ST13: variants seen among roughly 807,000 people sequenced by gnomAD.
ST13 encodes the protein ST13 Hsp70 interacting protein.
Under a neutral mutation model 56.7 loss-of-function variants are expected in ST13, and 23 were observed. That is an observed-to-expected ratio of 0.41 (90% CI 0.29 to 0.57). ST13 has a LOEUF of 0.57. ST13 is among the 20% of genes least tolerant of loss of function. The pLI is 0.36. For synonymous variants in ST13, 132 were observed against 142.4 expected (o/e 0.93, Z 0.52); for missense variants, 369 against 459.9 (o/e 0.80, Z 1.81).
chr22:40,842,332 G>C (rs1350159949), intron 4 of ST13, among the ~76,000 whole-genome samples: 2 of 152,034 alleles, frequency 1.3e-5, no homozygotes, highest in Non-Finnish European at 2.9e-5. Flanking sequence ...AGTAAACAAG[G>C]TACCTTAATG....
At chr22:40,848,503 T>C (rs918507905) in intron 2 of ST13, 134 bp from the exon 3 acceptor site, 5 of 668,848 alleles carry the variant, frequency 7.5e-6, no homozygotes, top group Non-Finnish European at 1.3e-5. Flanking sequence ...TTCCAGCACT[T>C]TGGGAGGCTG....
intron 8 of ST13, among the ~76,000 whole-genome samples, chr22:40,831,913 G>T (rs762977818): frequency 6.6e-6 from 1 of 152,072 alleles, no homozygotes; most frequent in Non-Finnish European, 1.5e-5. Context: ...GTGCTGTGGC[G>T]TGATCTTGGC....
intron 3 of ST13, among the ~76,000 whole-genome samples, chr22:40,845,331 A>G (rs145519427): frequency 0.016 from 2,399 of 152,280 alleles, 62 homozygotes; most frequent in African/African-American, 0.056. Context: ...ATATAATTAC[A>G]TTCATTACTT....
At chr22:40,842,336 C>T (rs1308819522) in intron 4 of ST13, among the ~76,000 whole-genome samples, 1 of 152,042 alleles carries the variant, frequency 6.6e-6, no homozygotes, top group Non-Finnish European at 1.5e-5. Context: ...AACAAGGTAC[C>T]TTAATGAGCA....
intron 4 of ST13, among the ~76,000 whole-genome samples, chr22:40,841,778 A>T (rs910554783): frequency 1.5e-4 from 23 of 150,700 alleles, no homozygotes; most frequent in Non-Finnish European, 3.0e-4. Context: ...TTTTTTATAG[A>T]GACGGGTTTT....
At position 40,856,626 on chromosome 22, in the gene ST13, G is replaced by C. The variant is rs771073558; in HGVS notation, c.-86C>G. 4 of 1,067,022 alleles carry C rather than the reference G, an allele frequency of 3.7e-6. No individual in the cohort carries two copies. Among genetic ancestry groups the C allele is most frequent in the South Asian group, 2.6e-5 (2 of 78,402 alleles). 66.1% of individuals were successfully genotyped at this position (1,067,022 alleles called of 1,614,324 possible). On this transcript the variant is annotated 5_prime_UTR_variant, in exon 1 of 12. Transcript: ENST00000216218. The stretch of plus-strand genomic sequence containing the variant: ...GCTCGGCGTGACCGCGCAGAAGGGG[G>C]CGGCTGCCGCAAGACAGAACAGACT...
chr22:40,850,944 T>C (rs2057858316), intron 1 of ST13, 64 bp from the exon 2 acceptor site: 6 of 1,192,778 alleles, frequency 5.0e-6, no homozygotes, highest in Non-Finnish European at 7.2e-6. Context: ...ACGCAACGTA[T>C]TTACACCTAA....
chr22:40,830,024 C>G (rs1231373825), intron 9 of ST13, among the ~76,000 whole-genome samples: 2 of 152,108 alleles, frequency 1.3e-5, no homozygotes, highest in Non-Finnish European at 2.9e-5. Context: ...ACTTTTGTTT[C>G]CTAGGTACAT....
At position 40,824,758 on chromosome 22, in the gene ST13, A is replaced by C. The variant is rs375224936; in HGVS notation, c.*1780T>G. 1 of 152,240 alleles carries C rather than the reference A, an allele frequency of 6.6e-6. No individual in the cohort carries two copies. The highest frequency in any genetic ancestry group is 1.5e-5 in the Non-Finnish European group (1 of 68,042). The allele number at this position is 152,240 out of a possible 1,614,324, so 9.4% of individuals were successfully genotyped here. On this transcript the variant is annotated 3_prime_UTR_variant, in exon 12 of 12. Coordinates refer to ENST00000216218, the MANE Select transcript of ST13 (RefSeq NM_003932.5). ...AGAAAGGAGAACTCTACACATTAAC[A>C]AAAGAACACACAAGCTCAAATGCAA... is the stretch of plus-strand genomic sequence containing the variant.
At chr22:40,855,880 G>C (rs577207176) in intron 1 of ST13, among the ~76,000 whole-genome samples, 4,421 of 152,160 alleles carry the variant, frequency 0.029, 199 homozygotes, top group African/African-American at 0.1. Context: ...GCCAAGTAAC[G>C]GAGGTATAAT....
chr22:40,855,838 T>C (rs2057889347), intron 1 of ST13, among the ~76,000 whole-genome samples: 1 of 149,868 alleles, frequency 6.7e-6, no homozygotes, highest in African/African-American at 2.5e-5. Flanking sequence ...TAAGAAATTA[T>C]TTTTCTCAGA....
rs560121312 is a variant in ST13, at chr22:40,830,501, G to A, written c.798+339C>T. 1.4e-4 allele frequency among the ~76,000 whole-genome samples: 22 copies of A among 152,216 alleles called. 1 individual carries two copies. In the South Asian group the frequency reaches 2.9e-3, roughly 20 times the overall value. ...GCAACACATCCACTGTTGGAAGAGA[G>A]GAGGAATCATAAATTTAATTAATCT... On this transcript the variant is annotated intron_variant, in intron 9 of 11. Transcript: ENST00000216218.
Position 40,850,842 on chromosome 22 carries a change from T to G in ST13, c.149A>C (p.Lys50Thr), listed in dbSNP as rs1222144081. ...GKVPPATQKA[K>T]SEENTKEEKP... is the part of the protein sequence containing the mutation. ...ACTTACCTTGGTATTTTCTTCTGAT[T>G]TAGCTTTCTGAGTAGCAGGTGGTAC... The change falls in exon 2 of 12, where the codon AAA becomes ACA. Residue 50 changes from lysine to threonine, a missense_variant. By Grantham distance (78) the Lys-to-Thr change is moderately conservative (BLOSUM62 -1). This residue lies in a region of ST13 where 169 missense variants were observed against 175.6 expected (regional missense o/e 0.96). Coordinates refer to ENST00000216218, the MANE Select transcript of ST13 (RefSeq NM_003932.5). 6.2e-7 allele frequency: 1 copy of G among 1,606,252 alleles called. No individual in the cohort carries two copies. Among genetic ancestry groups the G allele is most frequent in the South Asian group, 1.1e-5 (1 of 89,684 alleles).
intron 4 of ST13, among the ~76,000 whole-genome samples, chr22:40,842,159 A>C (rs564942471): frequency 1.2e-4 from 19 of 152,316 alleles, no homozygotes; most frequent in Admixed American, 3.3e-4. Context: ...AAACAAAAAA[A>C]CACCATGCTG....
rs1051772267 is a variant in ST13, at chr22:40,848,085, CAT to C, written c.244+207_244+208del. Among the ~76,000 whole-genome samples, 102 of 152,224 alleles carry C rather than the reference CAT, an allele frequency of 6.7e-4. 1 individual carries two copies. The highest frequency in any genetic ancestry group is 1.2e-3 in the East Asian group (6 of 5,180). The stretch of plus-strand genomic sequence containing the variant: ...AAAACAAAAAAAAATATTGATTACA[CAT>C]GTCAATATTTCAACCAATATGCCAT... On this transcript the variant is annotated intron_variant, in intron 3 of 11. Coordinates refer to ENST00000216218, the MANE Select transcript of ST13 (RefSeq NM_003932.5).
intron 3 of ST13, among the ~76,000 whole-genome samples, chr22:40,847,681 T>G (rs2057839391): frequency 1.3e-5 from 2 of 151,942 alleles, no homozygotes; most frequent in African/African-American, 2.4e-5. Context: ...AAAACCTGAA[T>G]TGAGGGGTGC....
rs62642551 is a variant in ST13 at position 40,827,224 on chromosome 22, A to T, written c.853T>A (p.Phe285Ile). The stretch of plus-strand genomic sequence containing the variant: ...AAATTACCAGGCATTCCCCCAGGAA[A>T]GCCACCTGTAATAAAAAATGAATAG... Reference protein sequence around the residue: ...GAQYGSFPGGFPGGMPGNFPG... With the variant: ...GAQYGSFPGGIPGGMPGNFPG... Residue 285 changes from phenylalanine to isoleucine, a missense_variant, in exon 11 of 12, where the codon TTT becomes ATT. Phe to Ile is a conservative substitution (Grantham distance 21). Coordinates refer to ENST00000216218, the MANE Select transcript of ST13 (RefSeq NM_003932.5). 15 of 1,613,514 alleles carry T rather than the reference A, an allele frequency of 9.3e-6. No homozygotes were observed. The highest frequency in any genetic ancestry group is 1.2e-5 in the Non-Finnish European group (14 of 1,179,898).
At chr22:40,833,084 A>G (rs537413045) in intron 7 of ST13, among the ~76,000 whole-genome samples, 1 of 152,330 alleles carries the variant, frequency 6.6e-6, no homozygotes, top group South Asian at 2.1e-4. Context: ...GAACAAGTAA[A>G]CCAGAAACTA....
At chr22:40,852,495 T>C (rs1379017364) in intron 1 of ST13, among the ~76,000 whole-genome samples, 1 of 152,202 alleles carries the variant, frequency 6.6e-6, no homozygotes, top group Non-Finnish European at 1.5e-5. Flanking sequence ...CTTAGTATCA[T>C]CTGAGAATCC....
Sources: gnomAD v4.1 joint callset for allele counts (sites outside exome capture counted in the v4.1 genomes callset) on GRCh38, gnomAD v4.1.1 for gene constraint, gnomAD v4.1.1 regional missense constraint, MANE v1.5 for transcripts, NCBI Gene and HGNC (gene_info 2026-07-23, HGNC 2026-07-21) for gene names.